TRMT9B: variants seen among roughly 807,000 people sequenced by gnomAD.
TRMT9B encodes the protein tRNA methyltransferase 9B (putative), also known as probable tRNA methyltransferase 9B.
In TRMT9B, 16 loss-of-function variants were observed where a neutral mutation model predicts 11.5. That is an observed-to-expected ratio of 1.39 (90% CI 0.94 to 2.11). The LOEUF (loss-of-function observed/expected upper bound fraction) is 2.11. Ranked by LOEUF, TRMT9B falls within the 30% of genes most tolerant of loss-of-function variation. TRMT9B has a pLI of 0.00. For missense variants in TRMT9B, 941 were observed against 553.8 expected (o/e 1.70, Z -7.02); for synonymous variants, 274 against 192.4 (o/e 1.42, Z -3.51).
At chr8:12,987,642 C>T (rs545939073) in intron 1 of TRMT9B, among the ~76,000 whole-genome samples, 5 of 151,942 alleles carry the variant, frequency 3.3e-5, no homozygotes, top group East Asian at 3.9e-4. Context: ...CAGTGAGCTA[C>T]GATGGTGCCA....
At chr8:12,977,900 G>A (rs1804715002) in intron 1 of TRMT9B, among the ~76,000 whole-genome samples, 1 of 151,842 alleles carries the variant, frequency 6.6e-6, no homozygotes, top group African/African-American at 2.4e-5. Flanking sequence ...GCCGTGGCAT[G>A]TGCCTTTAGT....
intron 1 of TRMT9B, among the ~76,000 whole-genome samples, chr8:12,986,361 T>C (rs938772680): frequency 2.6e-5 from 4 of 152,192 alleles, no homozygotes; most frequent in Non-Finnish European, 5.9e-5. Context: ...TAGACATTCA[T>C]TGAACATTGT....
At chr8:13,001,357 C>T (rs1282333366) in intron 2 of TRMT9B, among the ~76,000 whole-genome samples, 9 of 152,202 alleles carry the variant, frequency 5.9e-5, no homozygotes. Context: ...GCACAAGGCT[C>T]AGAAGCAGGT....
chr8:12,983,525 C>G (rs962647271), intron 1 of TRMT9B, among the ~76,000 whole-genome samples: 6 of 152,126 alleles, frequency 3.9e-5, no homozygotes, highest in Admixed American at 2.0e-4. Context: ...CAGAAATTAG[C>G]TGGGCGTTGT....
chr8:13,011,206 G>A (rs1369502143), intron 3 of TRMT9B: 6 of 643,080 alleles, frequency 9.3e-6, no homozygotes, highest in Non-Finnish European at 7.7e-6. Flanking sequence ...GACTGGTCTC[G>A]AACTCCTGCC....
chr8:12,990,563 T>G (rs1231235033), intron 1 of TRMT9B, among the ~76,000 whole-genome samples: 2 of 152,222 alleles, frequency 1.3e-5, no homozygotes, highest in African/African-American at 4.8e-5. Flanking sequence ...ACTCTCAATG[T>G]TAGCAATTTT....
chr8:12,985,077 T>C (rs987997168), intron 1 of TRMT9B, among the ~76,000 whole-genome samples: 1 of 152,006 alleles, frequency 6.6e-6, no homozygotes, highest in Non-Finnish European at 1.5e-5. Context: ...TAGTGAACAG[T>C]TCATTTAGAC....
intron 1 of TRMT9B, among the ~76,000 whole-genome samples, chr8:12,963,577 C>T (rs533341335): frequency 1.3e-5 from 2 of 152,166 alleles, no homozygotes; most frequent in Admixed American, 1.3e-4. Context: ...TGGTGAAACC[C>T]CGTCTCTACA....
At chr8:12,953,650 T>G (rs1800930596) in intron 1 of TRMT9B, among the ~76,000 whole-genome samples, 1 of 152,150 alleles carries the variant, frequency 6.6e-6, no homozygotes, top group South Asian at 2.1e-4. Flanking sequence ...TTGTTTGAAG[T>G]TTGGGGAAGG....
chr8:12,972,883 G>A (rs561446148), intron 1 of TRMT9B, among the ~76,000 whole-genome samples: 5 of 152,254 alleles, frequency 3.3e-5, no homozygotes, highest in South Asian at 2.1e-4. Context: ...ACTCAGGGGC[G>A]TTAAATACAT....
Position 12,957,896 on chromosome 8 carries a change from G to A in TRMT9B, c.-200+11930G>A, listed in dbSNP as rs541252317. Among the ~76,000 whole-genome samples the A allele has an allele frequency of 7.9e-5, 12 of 152,096 alleles. No homozygotes were observed. The South Asian group carries it at 8.3e-4, about 11-fold the overall frequency. ...CATCGCTGCCATCCATCTCCAGAAC[G>A]TTTTTATCTTCTCAAAGTGAAACTC... On this transcript the variant is annotated intron_variant, in intron 1 of 4. Transcript: ENST00000524591.
chr8:13,025,661 G>A lies in TRMT9B; in HGVS notation c.*3617G>A, dbSNP rs1260264497. On this transcript the variant is annotated 3_prime_UTR_variant, in exon 5 of 5. Transcript: ENST00000524591. Reference sequence around the variant, plus strand: ...TAATGTTATAGTGAGAATCATTCAAGCACCTATTTAAATTTTTTCCAATTG... The same window carrying A: ...TAATGTTATAGTGAGAATCATTCAAACACCTATTTAAATTTTTTCCAATTG... The A allele has an allele frequency of 1.8e-5, 3 of 167,174 alleles. No individual in the cohort carries two copies. The East Asian group carries it at 5.8e-4, about 32-fold the overall frequency. 10.4% of individuals were successfully genotyped at this position (167,174 alleles called of 1,614,324 possible).
At position 13,021,587 on chromosome 8, in the gene TRMT9B, A is replaced by G; in HGVS notation, c.908A>G (p.Lys303Arg). ...GATCACCAAGAGCCATTTTCAACAA[A>G]AGGGCAAAGTTTAGATGAGGAAGTG... ...DFDHQEPFST[K>R]GQSLDEEVFV... The change falls in exon 5 of 5, where the codon AAA becomes AGA. Residue 303 changes from lysine (K) to arginine (R), a missense_variant. By Grantham distance (26) the Lys-to-Arg change is conservative. Transcript: ENST00000524591. 6.2e-7 allele frequency: 1 copy of G among 1,613,906 alleles called. No individual in the cohort carries two copies. The highest frequency in any genetic ancestry group is 1.1e-5 in the South Asian group (1 of 91,066).
At chr8:13,003,736 G>C (rs1238418450) in intron 2 of TRMT9B, among the ~76,000 whole-genome samples, 1 of 151,466 alleles carries the variant, frequency 6.6e-6, no homozygotes, top group Non-Finnish European at 1.5e-5. Context: ...TGTGGAGCAA[G>C]ATGGCTAAAT....
chr8:12,957,842 T>C (rs1801516118), intron 1 of TRMT9B, among the ~76,000 whole-genome samples: 1 of 152,210 alleles, frequency 6.6e-6, no homozygotes, highest in Non-Finnish European at 1.5e-5. Context: ...TACAGTTCAG[T>C]GACATTTATT....
chr8:12,972,273 G>A (rs1803751726), intron 1 of TRMT9B, among the ~76,000 whole-genome samples: 1 of 152,188 alleles, frequency 6.6e-6, no homozygotes, highest in Non-Finnish European at 1.5e-5. Context: ...GGTCCCCAGA[G>A]CTGGGACCCA....
intron 4 of TRMT9B, among the ~76,000 whole-genome samples, chr8:13,018,410 C>T (rs371923558): frequency 1.8e-5 from 2 of 111,900 alleles, no homozygotes; most frequent in South Asian, 5.9e-4. Context: ...AAAAAAAAAA[C>T]GACAACAAAG....
intron 4 of TRMT9B, among the ~76,000 whole-genome samples, chr8:13,013,679 G>A (rs1257650306): frequency 2.0e-5 from 3 of 152,190 alleles, no homozygotes; most frequent in Non-Finnish European, 2.9e-5. Context: ...TTGGCCGGGT[G>A]CAGCGGCTCA....
At chr8:12,987,294 A>T (rs1806487439) in intron 1 of TRMT9B, among the ~76,000 whole-genome samples, 1 of 152,212 alleles carries the variant, frequency 6.6e-6, no homozygotes. Context: ...AAATGCTTAC[A>T]ACACGGCCTG....
Sources: gnomAD v4.1 joint callset for allele counts (sites outside exome capture counted in the v4.1 genomes callset) on GRCh38, gnomAD v4.1.1 for gene constraint, MANE v1.5 for transcripts, NCBI Gene and HGNC (gene_info 2026-07-23, HGNC 2026-07-21) for gene names.